Variants in ANKRD18B observed in about 807,000 individuals in gnomAD.
The protein encoded by ANKRD18B is ankyrin repeat domain 18B.
ANKRD18B carries 75 observed loss-of-function variants against 111.8 expected under a neutral mutation model. That is an observed-to-expected ratio of 0.67 (90% CI 0.56 to 0.81). ANKRD18B has a LOEUF of 0.81. Ranked by LOEUF, ANKRD18B falls within the 40% of genes least tolerant of loss-of-function variation. The probability of loss-of-function intolerance (pLI) is 0.00; values close to 1 mark genes in which losing one functional copy is unlikely to be tolerated. For missense variants in ANKRD18B, 1,038 were observed against 1,225.5 expected (o/e 0.85, Z 2.28); for synonymous variants, 356 against 417.3 (o/e 0.85, Z 1.79).
chr9:33,565,199 G>A (rs1828666964), intron 14 of ANKRD18B, among the ~76,000 whole-genome samples: 1 of 152,162 alleles, frequency 6.6e-6, no homozygotes, highest in Non-Finnish European at 1.5e-5. Flanking sequence ...TTGCTATATG[G>A]TGTTAGATAG....
intron 8 of ANKRD18B, among the ~76,000 whole-genome samples, chr9:33,540,817 A>T (rs1200365398): frequency 6.6e-6 from 1 of 152,198 alleles, no homozygotes; most frequent in Admixed American, 6.6e-5. Context: ...GTAGCATGTC[A>T]GTGAATAGGC....
At chr9:33,564,005 C>A (rs1034496138) in intron 14 of ANKRD18B, among the ~76,000 whole-genome samples, 13 of 152,132 alleles carry the variant, frequency 8.5e-5, no homozygotes, top group Admixed American at 2.0e-4. Flanking sequence ...ACTGTAGAGT[C>A]ATCCAGGCTA....
Position 33,572,341 on chromosome 9 carries a change from C to G in ANKRD18B, c.3249C>G (p.Ser1083=), listed in dbSNP as rs1448929585. The G allele has an allele frequency of 6.2e-7, 1 of 1,611,762 alleles. No homozygotes were observed. The highest frequency in any genetic ancestry group is 1.7e-5 in the Admixed American group (1 of 59,962). Residue 1083 remains serine, a synonymous_variant, in exon 19 of 19, where the codon TCC becomes TCG. Transcript: ENST00000684830. ...KKTFAALGPC[S]YLLSSLESTG... The stretch of plus-strand genomic sequence containing the variant: ...CTTTTGCTGCGTTGGGCCCTTGCTC[C>G]TATCTACTTTCTTCTCTAGAATCCA...
chr9:33,525,381 C>T (rs1828012082), intron 1 of ANKRD18B, among the ~76,000 whole-genome samples: 1 of 152,020 alleles, frequency 6.6e-6, no homozygotes, highest in Non-Finnish European at 1.5e-5. Context: ...TCCAAAAACA[C>T]TGAAATATAT....
At chr9:33,560,545 A>G (rs1014565059) in intron 14 of ANKRD18B, among the ~76,000 whole-genome samples, 11 of 152,214 alleles carry the variant, frequency 7.2e-5, no homozygotes, top group Non-Finnish European at 1.5e-4. Context: ...TATCAGTATC[A>G]GTACTAAATT....
intron 12 of ANKRD18B, among the ~76,000 whole-genome samples, chr9:33,552,680 T>C (rs1709271812): frequency 6.6e-6 from 1 of 152,118 alleles, no homozygotes; most frequent in Non-Finnish European, 1.5e-5. Context: ...AATGATTCAG[T>C]GCATCTATAG....
chr9:33,531,392 C>T (rs1207220022), intron 3 of ANKRD18B, among the ~76,000 whole-genome samples: 1 of 152,130 alleles, frequency 6.6e-6, no homozygotes, highest in African/African-American at 2.4e-5. Flanking sequence ...TATAAAAACA[C>T]AAGAGCTATA....
downstream of ANKRD18B, chr9:33,573,276 G>A (rs183006087): frequency 3.0e-4 from 297 of 985,090 alleles, 1 homozygote; most frequent in Non-Finnish European, 1.9e-4. Flanking sequence ...AACCACTGTC[G>A]CATCCACTGA....
intron 10 of ANKRD18B, among the ~76,000 whole-genome samples, chr9:33,545,441 T>G (rs1828340125): frequency 6.6e-6 from 1 of 152,230 alleles, no homozygotes; most frequent in African/African-American, 2.4e-5. Flanking sequence ...TGGAAGCATG[T>G]GATACGAATA....
chr9:33,573,395 T>G (rs1420953078), downstream of ANKRD18B: 1 of 767,396 alleles, frequency 1.3e-6, no homozygotes, highest in African/African-American at 1.8e-5. Flanking sequence ...GCCTCTGTGC[T>G]GTGTCTCTAG....
At chr9:33,538,669 G>C (rs1025002653) in intron 6 of ANKRD18B, among the ~76,000 whole-genome samples, 3 of 151,982 alleles carry the variant, frequency 2.0e-5, no homozygotes, top group Non-Finnish European at 4.4e-5. Context: ...CCAGGAGGTG[G>C]AGATTGCAGT....
Position 33,534,513 on chromosome 9 carries a change from T to C in ANKRD18B, c.740+6T>C. On this transcript the variant is annotated splice_donor_region_variant and intron_variant, in intron 5 of 18. Transcript: ENST00000684830. ...TTTTGTTGTGATTTGAGAAGGTATG[T>C]GCTTATATTAAAAGACCGGTTAATA... 6.6e-7 allele frequency: 1 copy of C among 1,523,830 alleles called. No individual in the cohort carries two copies. The highest frequency in any genetic ancestry group is 2.5e-5 in the East Asian group (1 of 40,698). 94.4% of individuals were successfully genotyped at this position (1,523,830 alleles called of 1,614,324 possible).
chr9:33,537,870 C>T (rs1174621336), intron 6 of ANKRD18B, among the ~76,000 whole-genome samples: 3 of 152,034 alleles, frequency 2.0e-5, no homozygotes, highest in Admixed American at 2.0e-4. Flanking sequence ...AGAAATGAAG[C>T]TGTTATAAAG....
rs2118156632 is a variant in ANKRD18B at position 33,572,588 on chromosome 9, A to G, written c.*154A>G. 2.4e-6 allele frequency: 3 copies of G among 1,262,538 alleles called. No homozygotes were observed. Among genetic ancestry groups the G allele is most frequent in the South Asian group, 2.5e-5 (1 of 40,298 alleles). 78.2% of individuals were successfully genotyped at this position (1,262,538 alleles called of 1,614,324 possible). ...TTTAAATGATTTTTTTAGCCTCCTT[A>G]AGTTTTAAGTGGATCTTGCAAATGA... On this transcript the variant is annotated 3_prime_UTR_variant, in exon 19 of 19. Coordinates refer to ENST00000684830, the MANE Select transcript of ANKRD18B (RefSeq NM_001393611.1).
In ANKRD18B at chr9:33,563,018, A is replaced by G. The variant is rs187053665; in HGVS notation, c.2461-3201A>G. 2.0e-3 allele frequency among the ~76,000 whole-genome samples: 305 copies of G among 152,236 alleles called. 3 individuals are homozygous for G. The highest frequency in any genetic ancestry group is 7.0e-3 in the African/African-American group (289 of 41,550). Reference sequence around the variant, plus strand: ...TAACTTGAGGGGAAATTGTAAGGAGACACCCTTGCCTTATTATCAGAGCTC... The same window carrying G: ...TAACTTGAGGGGAAATTGTAAGGAGGCACCCTTGCCTTATTATCAGAGCTC... On this transcript the variant is annotated intron_variant, in intron 14 of 18. Coordinates refer to ENST00000684830, the MANE Select transcript of ANKRD18B (RefSeq NM_001393611.1).
intron 14 of ANKRD18B, among the ~76,000 whole-genome samples, chr9:33,562,918 G>A (rs1828627981): frequency 6.6e-6 from 1 of 152,042 alleles, no homozygotes; most frequent in Non-Finnish European, 1.5e-5. Context: ...GTAAATGTCT[G>A]ATTTTGGTTA....
At chr9:33,535,380 G>A (rs1170844450) in intron 5 of ANKRD18B, among the ~76,000 whole-genome samples, 2 of 151,964 alleles carry the variant, frequency 1.3e-5, no homozygotes, top group African/African-American at 4.8e-5. Context: ...CCCCCTCCTG[G>A]GTTCACGCTA....
intron 7 of ANKRD18B, 139 bp from the exon 8 acceptor site, chr9:33,539,938 TC>T: frequency 6.7e-6 from 1 of 150,144 alleles, no homozygotes; most frequent in Admixed American, 6.7e-5. Context: ...TAGCAACAGC[TC>T]CAAACACCAT....
At position 33,548,852 on chromosome 9, in the gene ANKRD18B, A is replaced by G; in HGVS notation, c.2064A>G (p.Arg688=). ...AGTATGAAAAAGAAAAAGCAGAAAG[A>G]GAAGTAAGTATGAAGAAAACTATAA... ...LLQYEKEKAE[R]EVIVREFQEE... Residue 688 remains arginine, a synonymous_variant, in exon 11 of 19, where the codon AGA becomes AGG. Transcript: ENST00000684830. 5 of 1,480,896 alleles carry G rather than the reference A, an allele frequency of 3.4e-6. No individual in the cohort carries two copies. Among genetic ancestry groups the G allele is most frequent in the Non-Finnish European group, 4.5e-6 (5 of 1,118,714 alleles). The allele number at this position is 1,480,896 out of a possible 1,614,324, so 91.7% of individuals were successfully genotyped here. A position where few individuals can be genotyped will look rare whatever the true frequency, so the allele number is the denominator to read the frequency against.
Sources: gnomAD v4.1 joint callset for allele counts (sites outside exome capture counted in the v4.1 genomes callset) on GRCh38, gnomAD v4.1.1 for gene constraint, MANE v1.5 for transcripts, NCBI Gene and HGNC (gene_info 2026-07-23, HGNC 2026-07-21) for gene names.